FSTL5: variants seen among roughly 807,000 people sequenced by gnomAD.
The protein encoded by FSTL5 is follistatin-related protein 5.
FSTL5 carries 62 observed loss-of-function variants against 89.1 expected under a neutral mutation model. The ratio of observed to expected loss-of-function variants is 0.70; its 90% CI spans 0.57 to 0.86. FSTL5 has a LOEUF of 0.86. FSTL5 is among the 40% of genes least tolerant of loss of function. FSTL5 has a pLI of 0.00. For synonymous variants in FSTL5, 383 were observed against 346.2 expected (o/e 1.11, Z -1.18); for missense variants, 1,057 against 1,001.6 (o/e 1.06, Z -0.75).
At chr4:161,965,933 A>G (rs1305556193) in intron 3 of FSTL5, among the ~76,000 whole-genome samples, 2 of 152,128 alleles carry the variant, frequency 1.3e-5, no homozygotes, top group Non-Finnish European at 2.9e-5. Flanking sequence ...TATAAACTTA[A>G]GGACTATTGA....
chr4:161,808,439 T>C (rs1730037764), intron 4 of FSTL5, among the ~76,000 whole-genome samples: 1 of 152,108 alleles, frequency 6.6e-6, no homozygotes, highest in Non-Finnish European at 1.5e-5. Context: ...ATAACCCGTG[T>C]CCATTAATGG....
intron 8 of FSTL5, among the ~76,000 whole-genome samples, chr4:161,553,158 T>C (rs947914908): frequency 1.3e-5 from 2 of 151,640 alleles, no homozygotes; most frequent in African/African-American, 4.8e-5. Context: ...ATTTGATGTC[T>C]TGCTAATATA....
chr4:161,461,593 G>T (rs1733585703), intron 13 of FSTL5, among the ~76,000 whole-genome samples: 1 of 150,996 alleles, frequency 6.6e-6, no homozygotes, highest in Admixed American at 6.6e-5. Flanking sequence ...GCTATTCCCA[G>T]ACTTGATGTT....
intron 2 of FSTL5, among the ~76,000 whole-genome samples, chr4:162,076,987 T>C (rs1579008330): frequency 6.6e-6 from 1 of 151,904 alleles, no homozygotes; most frequent in South Asian, 2.1e-4. Context: ...CCTTGAAATA[T>C]AGCATACAGA....
At chr4:161,937,816 C>T (rs916586383) in intron 3 of FSTL5, among the ~76,000 whole-genome samples, 1 of 152,168 alleles carries the variant, frequency 6.6e-6, no homozygotes, top group Admixed American at 6.5e-5. Context: ...ATCTCTCCTC[C>T]TCATATACGT....
At chr4:162,098,032 C>T (rs1414541040) in intron 2 of FSTL5, among the ~76,000 whole-genome samples, 2 of 151,718 alleles carry the variant, frequency 1.3e-5, no homozygotes, top group African/African-American at 4.8e-5. Context: ...TTATAAGAAT[C>T]CCAATCTGGT....
intron 3 of FSTL5, among the ~76,000 whole-genome samples, chr4:162,003,030 G>T (rs1245085238): frequency 6.6e-6 from 1 of 152,018 alleles, no homozygotes; most frequent in African/African-American, 2.4e-5. Flanking sequence ...TCTAGTCCCA[G>T]CTACTCGGGA....
At chr4:162,019,503 TA>T (rs1330443930) in intron 3 of FSTL5, among the ~76,000 whole-genome samples, 2 of 152,166 alleles carry the variant, frequency 1.3e-5, no homozygotes, top group Non-Finnish European at 2.9e-5. Context: ...TAATTTTGAT[TA>T]AAAAATGTAT....
intron 4 of FSTL5, among the ~76,000 whole-genome samples, chr4:161,825,443 G>A (rs1297818336): frequency 6.6e-6 from 1 of 151,910 alleles, no homozygotes; most frequent in Non-Finnish European, 1.5e-5. Context: ...TTTTTATCTT[G>A]TGGGATAGTA....
At chr4:162,148,546 T>C (rs1012670396) in intron 1 of FSTL5, among the ~76,000 whole-genome samples, 2 of 152,122 alleles carry the variant, frequency 1.3e-5, no homozygotes, top group Non-Finnish European at 2.9e-5. Context: ...ATTAATTTAA[T>C]TAGAAGTTTT....
chr4:161,854,669 C>T (rs1053141858), intron 4 of FSTL5, among the ~76,000 whole-genome samples: 2 of 152,062 alleles, frequency 1.3e-5, no homozygotes, highest in African/African-American at 4.8e-5. Context: ...GGTTAAACTA[C>T]TGTGCAAAAT....
At chr4:161,506,508 T>A (rs75646321) in intron 11 of FSTL5, among the ~76,000 whole-genome samples, 5,562 of 152,244 alleles carry the variant, frequency 0.037, 351 homozygotes, top group African/African-American at 0.12. Flanking sequence ...ATTTGTAAGA[T>A]TTTGGTTGAA....
chr4:161,606,052 G>GATTGCCATCAACATCAAAATC (rs1290076596), intron 7 of FSTL5, among the ~76,000 whole-genome samples: 1 of 149,296 alleles, frequency 6.7e-6, no homozygotes, highest in African/African-American at 2.6e-5. Context: ...ACTGGAAGAT[G>GATTGCCATCAACATCAAAATC]AGACACCACG....
At chr4:161,561,133 C>T (rs1300672588) in intron 8 of FSTL5, among the ~76,000 whole-genome samples, 7 of 151,830 alleles carry the variant, frequency 4.6e-5, no homozygotes, top group Non-Finnish European at 1.0e-4. Flanking sequence ...AGACCACTAT[C>T]TTACATGTGG....
intron 15 of FSTL5, among the ~76,000 whole-genome samples, chr4:161,409,534 A>G (rs1167151375): frequency 6.6e-6 from 1 of 152,024 alleles, no homozygotes; most frequent in African/African-American, 2.4e-5. Flanking sequence ...GACATGTGCC[A>G]CCACATGAGG....
chr4:161,817,857 G>A (rs981104601), intron 4 of FSTL5, among the ~76,000 whole-genome samples: 4 of 152,206 alleles, frequency 2.6e-5, no homozygotes, highest in African/African-American at 9.6e-5. Flanking sequence ...TTATATAGAA[G>A]TACTGGGAAG....
rs968077138 is a variant in FSTL5 at position 162,056,368 on chromosome 4, C to CACT, written c.127-22713_127-22711dup. Among the ~76,000 whole-genome samples the CACT allele has an allele frequency of 4.6e-5, 7 of 152,038 alleles. 1 individual carries two copies. The highest frequency in any genetic ancestry group is 1.7e-4 in the African/African-American group (7 of 41,450). The stretch of plus-strand genomic sequence containing the variant: ...ACCCATTTCTAGAGTAATTTGTAAG[C>CACT]ACTAACTATATTTTAGCATGCAGGT... On this transcript the variant is annotated intron_variant, in intron 2 of 15. Transcript: ENST00000306100.
At chr4:161,580,942 GGA>G (rs924431722) in intron 8 of FSTL5, among the ~76,000 whole-genome samples, 62 of 152,148 alleles carry the variant, frequency 4.1e-4, no homozygotes, top group African/African-American at 1.5e-3. Flanking sequence ...TGTGGGCTAT[GGA>G]GCAAGACATG....
chr4:161,906,255 C>T (rs1056162942), intron 4 of FSTL5, among the ~76,000 whole-genome samples: 11 of 151,860 alleles, frequency 7.2e-5, no homozygotes, highest in Non-Finnish European at 1.2e-4. Flanking sequence ...TAGTTATCGG[C>T]GGTTAAAGTA....
Sources: gnomAD v4.1 joint callset for allele counts (sites outside exome capture counted in the v4.1 genomes callset) on GRCh38, gnomAD v4.1.1 for gene constraint, MANE v1.5 for transcripts, NCBI Gene and HGNC (gene_info 2026-07-23, HGNC 2026-07-21) for gene names.